Variants in APC observed in about 807,000 individuals in gnomAD.
The protein encoded by APC is adenomatous polyposis coli protein.
In APC, 72 loss-of-function variants were observed where a neutral mutation model predicts 247.0. That is an observed-to-expected ratio of 0.29 (90% CI 0.24 to 0.35). APC has a LOEUF of 0.35. Ranked by LOEUF, APC falls within the 10% of genes least tolerant of loss-of-function variation. APC has a pLI of 1.00. For synonymous variants in APC, 1,254 were observed against 1,162.5 expected (o/e 1.08, Z -1.60); for missense variants, 3,400 against 3,360.7 (o/e 1.01, Z -0.29).
Position 112,707,880 on chromosome 5 carries a change from C to A in APC, c.163C>A (p.Gln55Lys), listed in dbSNP as rs1312050427. ...TTCTGGCCACTGGGCGAGCGTCTGG[C>A]AGGTGAGTGAGGCTGCAGGCATTGA... The change falls in exon 1 of 14, where the codon CAG (glutamine) becomes AAG (lysine). Residue 55 changes from glutamine to lysine, a missense_variant and splice_region_variant. Coordinates refer to the APC transcript ENST00000507379. 1.2e-5 allele frequency: 17 copies of A among 1,368,460 alleles called. No individual in the cohort carries two copies. Among genetic ancestry groups the A allele is most frequent in the Admixed American group, 6.5e-5 (3 of 45,964 alleles). 84.8% of individuals were successfully genotyped at this position (1,368,460 alleles called of 1,614,324 possible).
At chr5:112,812,777 A>G (rs1474734397) in intron 8 of APC, among the ~76,000 whole-genome samples, 1 of 152,190 alleles carries the variant, frequency 6.6e-6, no homozygotes, top group Admixed American at 6.5e-5. Flanking sequence ...ATTCATTTAT[A>G]TTCCTGGTGA....
intron 2 of APC, among the ~76,000 whole-genome samples, chr5:112,765,095 G>C (rs1399999708): frequency 6.6e-6 from 1 of 152,016 alleles, no homozygotes; most frequent in Non-Finnish European, 1.5e-5. Flanking sequence ...TCTGGGGTTT[G>C]GGGGCGATTT....
chr5:112,839,791 T>C lies in APC; in HGVS notation c.4197T>C (p.Arg1399=), dbSNP rs771667341. ...SVSSLDSFES[R]SIASSVQSEP... is the part of the protein sequence containing the mutation. Reference sequence around the variant, plus strand: ...GTTCACTTGATAGTTTTGAGAGTCGTTCGATTGCCAGCTCCGTTCAGAGTG... The same window carrying C: ...GTTCACTTGATAGTTTTGAGAGTCGCTCGATTGCCAGCTCCGTTCAGAGTG... Residue 1399 remains arginine (R), a synonymous_variant, in exon 16 of 16, where the codon CGT becomes CGC. Transcript: ENST00000257430. This position sits in a 1 kb window ranked among gnomAD's most constrained non-coding sequence, Gnocchi z 5.0. 6.2e-7 allele frequency: 1 copy of C among 1,614,104 alleles called. No homozygotes were observed. Among genetic ancestry groups the C allele is most frequent in the South Asian group, 1.1e-5 (1 of 91,076 alleles).
chr5:112,769,015 C>A (rs1028772475), intron 4 of APC, among the ~76,000 whole-genome samples: 2 of 139,006 alleles, frequency 1.4e-5, no homozygotes, highest in African/African-American at 2.7e-5. Flanking sequence ...CTTTTTACTT[C>A]TGTTAGTAAA....
rs1561604076 is a variant in APC at position 112,841,555 on chromosome 5, C to G, written c.5961C>G (p.Ile1987Met). Residue 1987 changes from isoleucine to methionine, a missense_variant, in exon 16 of 16, where the codon ATC becomes ATG. Ile to Met is a conservative substitution (Grantham distance 10). This residue lies in a region of APC where 1,788 missense variants were observed against 1,649.5 expected (regional missense o/e 1.08). Coordinates refer to ENST00000257430, the MANE Select transcript of APC (RefSeq NM_000038.6). This position sits in a 1 kb window ranked among gnomAD's most constrained non-coding sequence, Gnocchi z 4.6. Reference sequence around the variant, plus strand: ...ACAACAATAAAGAAAATGAACCTATCAAAGAGACTGAGCCCCCTGACTCAC... The same window carrying G: ...ACAACAATAAAGAAAATGAACCTATGAAAGAGACTGAGCCCCCTGACTCAC... Reference protein sequence around the residue: ...QENNNKENEPIKETEPPDSQG... With the variant: ...QENNNKENEPMKETEPPDSQG... 1 of 1,613,962 alleles carries G rather than the reference C, an allele frequency of 6.2e-7. No homozygotes were observed. Among genetic ancestry groups the G allele is most frequent in the Non-Finnish European group, 8.5e-7 (1 of 1,179,906 alleles).
At chr5:112,734,306 C>A (rs1752253970), upstream of APC, among the ~76,000 whole-genome samples, 1 of 152,144 alleles carries the variant, frequency 6.6e-6, no homozygotes, top group African/African-American at 2.4e-5. Context: ...AATCTCATTG[C>A]CATTGTAACA....
At chr5:112,718,076 G>A (rs1465100069) in intron 1 of APC, among the ~76,000 whole-genome samples, 1 of 149,442 alleles carries the variant, frequency 6.7e-6, no homozygotes, top group African/African-American at 2.5e-5. Context: ...TTTTAGTATA[G>A]AATTCTTATT....
At chr5:112,731,798 G>T (rs549358538) in intron 1 of APC, among the ~76,000 whole-genome samples, 16 of 152,214 alleles carry the variant, frequency 1.1e-4, no homozygotes, top group African/African-American at 3.9e-4. Context: ...GTCTTGCTCT[G>T]TTGCCCAGGC....
At chr5:112,760,812 AT>A (rs748700583) in intron 2 of APC, among the ~76,000 whole-genome samples, 4,187 of 143,096 alleles carry the variant, frequency 0.029, 199 homozygotes, top group African/African-American at 0.095. Flanking sequence ...GTCTCAATCC[AT>A]TTTTTTTTTT....
At chr5:112,720,378 T>C (rs1413716177) in intron 1 of APC, among the ~76,000 whole-genome samples, 1 of 152,238 alleles carries the variant, frequency 6.6e-6, no homozygotes, top group Admixed American at 6.5e-5. Context: ...CTATGTTAGA[T>C]TCAAATAGCT....
At position 112,840,155 on chromosome 5, in the gene APC, G is replaced by A. The variant is rs2149917594; in HGVS notation, c.4561G>A (p.Glu1521Lys). 6.2e-7 allele frequency: 1 copy of A among 1,614,064 alleles called. No homozygotes were observed. Among genetic ancestry groups the A allele is most frequent in the Non-Finnish European group, 8.5e-7 (1 of 1,180,010 alleles). The change falls in exon 16 of 16, where the codon GAA becomes AAA. Residue 1521 changes from glutamate to lysine, a missense_variant. This residue lies in a region of APC where 1,788 missense variants were observed against 1,649.5 expected (regional missense o/e 1.08). Transcript: ENST00000257430. The surrounding 1 kb of genome is among the most constrained non-coding windows in gnomAD (Gnocchi z 4.1). ...LDEPFIQKDV[E>K]LRIMPPVQEN... ...TGAGCCATTTATACAGAAAGATGTGGAATTAAGAATAATGCCTCCAGTTCA... is the reference window on the plus strand; with the variant it reads ...TGAGCCATTTATACAGAAAGATGTGAAATTAAGAATAATGCCTCCAGTTCA...
In APC at chr5:112,775,677, G is replaced by T. The variant is rs1060503328; in HGVS notation, c.471G>T (p.Trp157Cys). Reference protein sequence around the residue: ...DLDKEEKEKDWYYAQLQNLTK... With the variant: ...DLDKEEKEKDCYYAQLQNLTK... ...ACAAAGAAGAAAAGGAAAAAGACTGGTATTACGCTCAACTTCAGAATCTCA... is the reference window on the plus strand; with the variant it reads ...ACAAAGAAGAAAAGGAAAAAGACTGTTATTACGCTCAACTTCAGAATCTCA... The change falls in exon 5 of 16, where the codon TGG becomes TGT. Residue 157 changes from tryptophan to cysteine, a missense_variant. Physicochemically the swap from Trp to Cys is radical, Grantham distance 215. Coordinates refer to ENST00000257430, the MANE Select transcript of APC (RefSeq NM_000038.6). 1 of 1,607,954 alleles carries T rather than the reference G, an allele frequency of 6.2e-7. No homozygotes were observed. Among genetic ancestry groups the T allele is most frequent in the Non-Finnish European group, 8.5e-7 (1 of 1,177,590 alleles).
chr5:112,722,110 G>C (rs921197468), intron 1 of APC, among the ~76,000 whole-genome samples: 2 of 152,186 alleles, frequency 1.3e-5, no homozygotes, highest in Non-Finnish European at 1.5e-5. Flanking sequence ...TTTCAACTAA[G>C]ATAAATCGGT....
chr5:112,779,872 A>C (rs141371913), intron 5 of APC, among the ~76,000 whole-genome samples: 1 of 152,186 alleles, frequency 6.6e-6, no homozygotes, highest in Admixed American at 6.5e-5. Context: ...TCTAACTACA[A>C]CTGACAACAC....
In APC at chr5:112,842,539, A is replaced by G. The variant is rs786201348; in HGVS notation, c.6945A>G (p.Gln2315=). Reference sequence around the variant, plus strand: ...CGACCCCTTCAAGACCTGCCCAGCAACCATTAAGTAGACCTATACAGTCTC... The same window carrying G: ...CGACCCCTTCAAGACCTGCCCAGCAGCCATTAAGTAGACCTATACAGTCTC... The part of the protein sequence containing the change: ...RDSTPSRPAQ[Q]PLSRPIQSPG... The change falls in exon 16 of 16, where the codon CAA becomes CAG. Residue 2315 remains glutamine (Q), a synonymous_variant. Coordinates refer to ENST00000257430, the MANE Select transcript of APC (RefSeq NM_000038.6). 1.4e-5 allele frequency: 23 copies of G among 1,613,896 alleles called. No homozygotes were observed. Among genetic ancestry groups the G allele is most frequent in the Non-Finnish European group, 1.9e-5 (22 of 1,179,942 alleles).
chr5:112,720,249 C>T (rs1037320253), intron 1 of APC, among the ~76,000 whole-genome samples: 1 of 152,162 alleles, frequency 6.6e-6, no homozygotes, highest in African/African-American at 2.4e-5. Flanking sequence ...AAGAACAAAA[C>T]CAGCTCTGTT....
chr5:112,784,780 G>T (rs568221450), intron 6 of APC, among the ~76,000 whole-genome samples: 13 of 152,144 alleles, frequency 8.5e-5, no homozygotes, highest in Non-Finnish European at 1.8e-4. Flanking sequence ...AATAAGAATA[G>T]AATGAAAGTT....
chr5:112,707,519 C>T (rs1750570047), upstream of APC: 1 of 471,904 alleles, frequency 2.1e-6, no homozygotes, highest in Non-Finnish European at 3.9e-6. Flanking sequence ...TTCCCACCTC[C>T]CACAAGATGG....
At position 112,827,098 on chromosome 5, in the gene APC, T is replaced by C. The variant is rs757683347; in HGVS notation, c.1409-10T>C. 1.2e-6 allele frequency: 2 copies of C among 1,613,522 alleles called. No homozygotes were observed. The highest frequency in any genetic ancestry group is 1.7e-5 in the Admixed American group (1 of 59,978). ...TGATTGTCTTTTTCCTCTTGCCCTT[T>C]TTAAATTAGGGGGACTACAGGCCAT... On this transcript the variant is annotated splice_polypyrimidine_tract_variant and intron_variant, in intron 11 of 15. Transcript: ENST00000257430.
Sources: gnomAD v4.1 joint callset for allele counts (sites outside exome capture counted in the v4.1 genomes callset) on GRCh38, gnomAD v4.1.1 for gene constraint, gnomAD v4.1.1 regional missense constraint, Gnocchi (gnomAD v3.1) non-coding constraint, MANE v1.5 for transcripts, NCBI Gene and HGNC (gene_info 2026-07-23, HGNC 2026-07-21) for gene names.